The following NDRG3 variants were observed in gnomAD, a reference collection of about 807,000 sequenced individuals.
NDRG3 encodes the protein protein NDRG3.
NDRG3 carries 23 observed loss-of-function variants against 57.2 expected under a neutral mutation model. The observed-to-expected ratio is 0.40, with a 90% CI of 0.29 to 0.57. The LOEUF (loss-of-function observed/expected upper bound fraction) is 0.57. Ranked by LOEUF, NDRG3 falls within the 20% of genes least tolerant of loss-of-function variation. The pLI is 0.42. For missense variants in NDRG3, 384 were observed against 457.3 expected, an observed-to-expected ratio of 0.84 and a Z score of 1.46; for synonymous variants, 132 against 162.6, an observed-to-expected ratio of 0.81 and a Z score of 1.43.
At chr20:36,735,512 G>A (rs1426641410) in intron 1 of NDRG3, among the ~76,000 whole-genome samples, 1 of 152,172 alleles carries the variant, frequency 6.6e-6, no homozygotes, top group East Asian at 1.9e-4. Flanking sequence ...TGCAGCTAGT[G>A]TTTGGAACAT....
At chr20:36,706,902 C>G (rs1265303801) in intron 3 of NDRG3, 70 bp downstream of exon 3, 2 of 1,338,876 alleles carry the variant, frequency 1.5e-6, no homozygotes, top group Non-Finnish European at 2.1e-6. Flanking sequence ...TCTACAAGAC[C>G]ACCACCACAG....
At chr20:36,676,778 T>C in intron 8 of NDRG3, among the ~76,000 whole-genome samples, 1 of 152,262 alleles carries the variant, frequency 6.6e-6, no homozygotes, top group East Asian at 1.9e-4. Flanking sequence ...TGAATTATTT[T>C]TAGCATAGGT....
At chr20:36,696,064 T>A (rs1466342165) in intron 3 of NDRG3, among the ~76,000 whole-genome samples, 1 of 152,186 alleles carries the variant, frequency 6.6e-6, no homozygotes, top group Non-Finnish European at 1.5e-5. Context: ...ACTGAAATAT[T>A]GGGGGATTCC....
intron 8 of NDRG3, among the ~76,000 whole-genome samples, chr20:36,676,899 C>T (rs2148076411): frequency 6.6e-6 from 1 of 152,358 alleles, no homozygotes; most frequent in South Asian, 2.1e-4. Flanking sequence ...GGACCAGAGC[C>T]GCAGACCCAG....
At chr20:36,744,188 C>T (rs191055528) in intron 1 of NDRG3, among the ~76,000 whole-genome samples, 2 of 152,242 alleles carry the variant, frequency 1.3e-5, no homozygotes, top group East Asian at 3.9e-4. Context: ...AGGCGTGAGC[C>T]GCAGCGCCCG....
chr20:36,711,714 A>G (rs1983891540), intron 2 of NDRG3, among the ~76,000 whole-genome samples: 1 of 152,168 alleles, frequency 6.6e-6, no homozygotes. Context: ...TCTCAATCCC[A>G]TGTTCCTAGC....
rs144496562 is a variant in NDRG3, at chr20:36,680,848, C to T, written c.499G>A (p.Ala167Thr). Reference protein sequence around the residue: ...GLVLINVDPCAKGWIDWAASK... With the variant: ...GLVLINVDPCTKGWIDWAASK... ...GCTGCCCAGTCAATCCAGCCTTTAGCGCAAGGGTCAACATTAATGAGCACA... is the reference window on the plus strand; with the variant it reads ...GCTGCCCAGTCAATCCAGCCTTTAGTGCAAGGGTCAACATTAATGAGCACA... The change falls in exon 8 of 16, where the codon GCT becomes ACT. Residue 167 changes from alanine to threonine, a missense_variant. Coordinates refer to ENST00000349004, the MANE Select transcript of NDRG3 (RefSeq NM_032013.4). 1.7e-5 allele frequency: 28 copies of T among 1,614,030 alleles called. No homozygotes were observed. The highest frequency in any genetic ancestry group is 5.5e-5 in the South Asian group (5 of 91,070).
chr20:36,691,637 C>T (rs143057183), intron 3 of NDRG3, among the ~76,000 whole-genome samples: 9 of 152,222 alleles, frequency 5.9e-5, no homozygotes, highest in African/African-American at 1.7e-4. Context: ...TGCTTGAACC[C>T]GGGAGGCAGA....
At chr20:36,702,490 T>C (rs1983299407) in intron 3 of NDRG3, among the ~76,000 whole-genome samples, 1 of 152,060 alleles carries the variant, frequency 6.6e-6, no homozygotes, top group South Asian at 2.1e-4. Flanking sequence ...GGCTACTGTA[T>C]GAGGCCTGGG....
chr20:36,733,087 C>T (rs904248534), intron 1 of NDRG3, among the ~76,000 whole-genome samples: 3 of 137,282 alleles, frequency 2.2e-5, no homozygotes, highest in African/African-American at 8.3e-5. Flanking sequence ...GTGAAGGCTA[C>T]AGCAAGCTGA....
intron 3 of NDRG3, among the ~76,000 whole-genome samples, chr20:36,703,213 T>C (rs1446887565): frequency 2.6e-5 from 4 of 152,166 alleles, no homozygotes; most frequent in Non-Finnish European, 4.4e-5. Flanking sequence ...CTGTCTCTAA[T>C]ATACATATAT....
At chr20:36,658,501 T>C (rs981548839) in intron 13 of NDRG3, among the ~76,000 whole-genome samples, 1 of 152,210 alleles carries the variant, frequency 6.6e-6, no homozygotes, top group African/African-American at 2.4e-5. Context: ...AACTTCACAT[T>C]AGATTTCTAG....
chr20:36,731,550 G>A (rs1449004636), intron 1 of NDRG3, among the ~76,000 whole-genome samples: 2 of 152,114 alleles, frequency 1.3e-5, no homozygotes, highest in East Asian at 1.9e-4. Flanking sequence ...GGTCACACCC[G>A]TAATCCCAGC....
intron 13 of NDRG3, among the ~76,000 whole-genome samples, chr20:36,657,525 T>C (rs972285577): frequency 6.6e-6 from 1 of 151,848 alleles, no homozygotes; most frequent in Non-Finnish European, 1.5e-5. Context: ...TAATAAGATC[T>C]CAGGTGATTT....
intron 4 of NDRG3, among the ~76,000 whole-genome samples, 191 bp downstream of exon 4, chr20:36,688,488 A>G (rs1388254847): frequency 2.6e-5 from 4 of 152,202 alleles, no homozygotes. Context: ...ATGTGATTCC[A>G]GTATCCCCAG....
intron 3 of NDRG3, among the ~76,000 whole-genome samples, chr20:36,695,724 G>A (rs887016077): frequency 1.2e-4 from 18 of 152,128 alleles, no homozygotes; most frequent in African/African-American, 3.6e-4. Context: ...CATGCACAGC[G>A]GGACATGGAA....
intron 1 of NDRG3, among the ~76,000 whole-genome samples, chr20:36,728,826 A>C (rs1985106852): frequency 6.6e-6 from 1 of 151,982 alleles, no homozygotes; most frequent in South Asian, 2.1e-4. Flanking sequence ...CCTGGGCTCA[A>C]GCGATTCTCC....
At chr20:36,725,085 C>T (rs747749997) in intron 1 of NDRG3, among the ~76,000 whole-genome samples, 4 of 143,854 alleles carry the variant, frequency 2.8e-5, no homozygotes, top group Middle Eastern at 4.2e-3. Flanking sequence ...CATTTGAGGT[C>T]AGGTGTTCAA....
chr20:36,677,318 A>G (rs1002526086), intron 8 of NDRG3, among the ~76,000 whole-genome samples: 1 of 152,214 alleles, frequency 6.6e-6, no homozygotes, highest in African/African-American at 2.4e-5. Flanking sequence ...GGTTCCCAGT[A>G]AGGCCCCACC....
Sources: gnomAD v4.1 joint callset for allele counts (sites outside exome capture counted in the v4.1 genomes callset) on GRCh38, gnomAD v4.1.1 for gene constraint, MANE v1.5 for transcripts, NCBI Gene and HGNC (gene_info 2026-07-23, HGNC 2026-07-21) for gene names.